The following RAB27B variants were observed in gnomAD, a reference collection of about 807,000 sequenced individuals.
The protein encoded by RAB27B is ras-related protein Rab-27B.
Under a neutral mutation model 24.6 loss-of-function variants are expected in RAB27B, and 15 were observed. The ratio of observed to expected loss-of-function variants is 0.61; its 90% CI spans 0.41 to 0.94. RAB27B has a LOEUF of 0.94. RAB27B is among the 40% of genes least tolerant of loss of function. The pLI, the probability that RAB27B is intolerant of heterozygous loss-of-function variation, is 0.00. For synonymous variants in RAB27B, 105 were observed against 92.5 expected, an observed-to-expected ratio of 1.14 and a Z score of -0.78; for missense variants, 261 against 266.8, an observed-to-expected ratio of 0.98 and a Z score of 0.15.
intron 2 of RAB27B, among the ~76,000 whole-genome samples, chr18:54,762,103 G>T (rs1286306495): frequency 6.6e-6 from 1 of 152,150 alleles, no homozygotes; most frequent in East Asian, 1.9e-4. Flanking sequence ...ACAGAAATTG[G>T]CAGCGTAAGA....
chr18:54,728,948 C>G (rs1414513958), intron 2 of RAB27B, among the ~76,000 whole-genome samples: 1 of 67,038 alleles, frequency 1.5e-5, no homozygotes, highest in Non-Finnish European at 3.0e-5. Context: ...AACCTGCCTA[C>G]AAATTCAGGA....
chr18:54,762,647 G>A (rs965806017), intron 2 of RAB27B, among the ~76,000 whole-genome samples: 6 of 152,042 alleles, frequency 3.9e-5, no homozygotes, highest in Admixed American at 1.3e-4. Flanking sequence ...TCTCAGTAAC[G>A]TCTTTAACAT....
intron 1 of RAB27B, among the ~76,000 whole-genome samples, chr18:54,874,252 A>T (rs1395591159): frequency 6.6e-6 from 1 of 152,012 alleles, no homozygotes; most frequent in Non-Finnish European, 1.5e-5. Context: ...TTAAATGCAA[A>T]TTTTCCTTCC....
At chr18:54,769,605 T>A (rs1181552484) in intron 2 of RAB27B, among the ~76,000 whole-genome samples, 1 of 152,218 alleles carries the variant, frequency 6.6e-6, no homozygotes, top group Non-Finnish European at 1.5e-5. Flanking sequence ...ATCTTTTTGT[T>A]TACACTATTA....
At chr18:54,775,761 A>G (rs1357604955) in intron 2 of RAB27B, among the ~76,000 whole-genome samples, 2 of 152,144 alleles carry the variant, frequency 1.3e-5, no homozygotes, top group Non-Finnish European at 2.9e-5. Context: ...TGAAATGCTC[A>G]TGAAACTCCC....
intron 1 of RAB27B, among the ~76,000 whole-genome samples, chr18:54,844,906 G>C (rs1911268938): frequency 6.6e-6 from 1 of 152,170 alleles, no homozygotes; most frequent in Non-Finnish European, 1.5e-5. Context: ...GAGGTATAGG[G>C]AGGGAGTTGG....
chr18:54,844,375 CT>C (rs991718885), intron 1 of RAB27B, among the ~76,000 whole-genome samples: 23 of 145,058 alleles, frequency 1.6e-4, no homozygotes, highest in African/African-American at 6.0e-4. Flanking sequence ...ACTTTTATCT[CT>C]TCTTTCTTTC....
At chr18:54,870,955 GTA>G (rs1404882455) in intron 1 of RAB27B, among the ~76,000 whole-genome samples, 1 of 152,104 alleles carries the variant, frequency 6.6e-6, no homozygotes, top group Non-Finnish European at 1.5e-5. Flanking sequence ...CTCAAATTTA[GTA>G]TATGTTTGAA....
At chr18:54,817,646 T>C (rs1486066611) in intron 2 of RAB27B, among the ~76,000 whole-genome samples, 1 of 152,070 alleles carries the variant, frequency 6.6e-6, no homozygotes, top group Non-Finnish European at 1.5e-5. Context: ...ATTAGTTGCA[T>C]TAGTTGCAAT....
chr18:54,723,431 C>G (rs55987330), intron 2 of RAB27B, among the ~76,000 whole-genome samples: 1 of 151,994 alleles, frequency 6.6e-6, no homozygotes, highest in Non-Finnish European at 1.5e-5. Flanking sequence ...AACTATTATG[C>G]TTGGAACAAT....
intron 1 of RAB27B, among the ~76,000 whole-genome samples, chr18:54,857,480 T>A (rs1385375999): frequency 1.3e-5 from 2 of 152,338 alleles, no homozygotes; most frequent in African/African-American, 4.8e-5. Flanking sequence ...TATTAAAAAA[T>A]TTCAAATTTG....
intron 1 of RAB27B, among the ~76,000 whole-genome samples, chr18:54,866,105 A>C (rs1294360699): frequency 3.3e-5 from 5 of 151,960 alleles, no homozygotes; most frequent in Admixed American, 1.3e-4. Context: ...CAAAAAAAAA[A>C]CAGAATCACT....
At chr18:54,724,569 C>G (rs1363084733) in intron 2 of RAB27B, among the ~76,000 whole-genome samples, 1 of 151,252 alleles carries the variant, frequency 6.6e-6, no homozygotes, top group Non-Finnish European at 1.5e-5. Context: ...AATAAAAATA[C>G]AAAAATTAAC....
At chr18:54,880,140 G>A (rs1035455414) in intron 3 of RAB27B, 5 of 152,180 alleles carry the variant, frequency 3.3e-5, no homozygotes, top group Non-Finnish European at 7.3e-5. Context: ...ATCTTTAACT[G>A]TTGTTCACTG....
chr18:54,764,566 A>C (rs991782365), intron 2 of RAB27B, among the ~76,000 whole-genome samples: 3 of 152,104 alleles, frequency 2.0e-5, no homozygotes, highest in Admixed American at 2.0e-4. Flanking sequence ...TCCCTTCCCT[A>C]TGCCACCGTT....
At chr18:54,866,828 G>A (rs1308359105) in intron 1 of RAB27B, among the ~76,000 whole-genome samples, 3 of 152,170 alleles carry the variant, frequency 2.0e-5, no homozygotes, top group Non-Finnish European at 4.4e-5. Context: ...ATGTGGGGCA[G>A]CTCCTCGTAT....
intron 1 of RAB27B, among the ~76,000 whole-genome samples, chr18:54,836,206 A>AT (rs1568088085): frequency 6.6e-6 from 1 of 151,950 alleles, no homozygotes. Flanking sequence ...TTGGAAAGTG[A>AT]TTAAATGATA....
At chr18:54,735,751 A>T (rs1334209870) in intron 2 of RAB27B, among the ~76,000 whole-genome samples, 1 of 152,050 alleles carries the variant, frequency 6.6e-6, no homozygotes, top group Non-Finnish European at 1.5e-5. Flanking sequence ...TGAACTCTTG[A>T]CCTCAGGTGA....
At chr18:54,859,192 T>G (rs1029502853) in intron 1 of RAB27B, among the ~76,000 whole-genome samples, 1 of 152,210 alleles carries the variant, frequency 6.6e-6, no homozygotes, top group Non-Finnish European at 1.5e-5. Context: ...CAGGCAAAGC[T>G]ATTTCATAAC....
Sources: gnomAD v4.1 joint callset for allele counts (sites outside exome capture counted in the v4.1 genomes callset) on GRCh38, gnomAD v4.1.1 for gene constraint, MANE v1.5 for transcripts, NCBI Gene and HGNC (gene_info 2026-07-23, HGNC 2026-07-21) for gene names.